OCIAD1: variants seen among roughly 807,000 people sequenced by gnomAD.
The protein encoded by OCIAD1 is OCIA domain containing 1.
OCIAD1 carries 29 observed loss-of-function variants against 38.9 expected under a neutral mutation model. The ratio of observed to expected loss-of-function variants is 0.74; its 90% CI spans 0.55 to 1.02. The LOEUF (loss-of-function observed/expected upper bound fraction) is 1.02. Among genes scored for constraint, OCIAD1 ranks in the 50% least tolerant of loss-of-function variants. The pLI is 0.00. For synonymous variants in OCIAD1, 110 were observed against 92.0 expected (o/e 1.20, Z -1.12); for missense variants, 288 against 289.6 (o/e 0.99, Z 0.04).
At chr4:48,835,054 G>A (rs1777861186) in intron 3 of OCIAD1, among the ~76,000 whole-genome samples, 1 of 152,054 alleles carries the variant, frequency 6.6e-6, no homozygotes, top group Non-Finnish European at 1.5e-5. Flanking sequence ...CTGCCACAGT[G>A]TCCTGAGTAT....
At chr4:48,817,622 T>G (rs1777155926) in intron 1 of OCIAD1, among the ~76,000 whole-genome samples, 1 of 152,206 alleles carries the variant, frequency 6.6e-6, no homozygotes, top group African/African-American at 2.4e-5. Flanking sequence ...GGAAGCCAAG[T>G]GGTCTAGCTC....
chr4:48,819,077 C>A (rs1007484604), intron 1 of OCIAD1, among the ~76,000 whole-genome samples: 2 of 152,006 alleles, frequency 1.3e-5, no homozygotes, highest in African/African-American at 4.8e-5. Flanking sequence ...CAGAGAACAC[C>A]ACTAAGACAC....
chr4:48,850,037 G>T lies in OCIAD1; in HGVS notation c.332G>T (p.Gly111Val). 6.2e-7 allele frequency: 1 copy of T among 1,613,464 alleles called. No homozygotes were observed. The highest frequency in any genetic ancestry group is 2.2e-5 in the East Asian group (1 of 44,852). ...KFKKLENSPL[G>V]EALRSGQARR... ...AAGAAACTTGAAAATTCCCCCCTTG[G>T]AGAAGCTTTACGATCAGGACAAGCA... The change falls in exon 6 of 9, where the codon GGA becomes GTA. Residue 111 changes from glycine to valine, a missense_variant. Physicochemically the swap from Gly to Val is moderately radical, Grantham distance 109 (BLOSUM62 -3). Coordinates refer to ENST00000264312, the MANE Select transcript of OCIAD1 (RefSeq NM_017830.4).
intron 1 of OCIAD1, among the ~76,000 whole-genome samples, chr4:48,810,301 C>A (rs1174697092): frequency 6.6e-6 from 1 of 151,762 alleles, no homozygotes; most frequent in Non-Finnish European, 1.5e-5. Flanking sequence ...AAACCCGTCT[C>A]TACTAAAAAC....
Position 48,848,438 on chromosome 4 carries a change from A to T in OCIAD1, c.233A>T (p.Lys78Ile). 1 of 1,468,916 alleles carries T rather than the reference A, an allele frequency of 6.8e-7. No homozygotes were observed. Among genetic ancestry groups the T allele is most frequent in the Non-Finnish European group, 9.5e-7 (1 of 1,056,882 alleles). 91.0% of individuals were successfully genotyped at this position (1,468,916 alleles called of 1,614,324 possible). A position where few individuals can be genotyped will look rare whatever the true frequency, so the allele number is the denominator to read the frequency against. The change falls in exon 5 of 9, where the codon AAA becomes ATA. Residue 78 changes from lysine (K) to isoleucine (I), a missense_variant. Lys to Ile is a moderately radical substitution (Grantham distance 102). Coordinates refer to ENST00000264312, the MANE Select transcript of OCIAD1 (RefSeq NM_017830.4). ...CATCCCAAATATGGTTCCATCCCTA[A>T]ACTTATACGTAAGTATGAACAACAT... The part of the protein sequence containing the change: ...SSHPKYGSIP[K>I]LILACIMGYF...
upstream of OCIAD1, among the ~76,000 whole-genome samples, chr4:48,830,057 G>A (rs1246209977): frequency 6.6e-6 from 1 of 152,164 alleles, no homozygotes; most frequent in Non-Finnish European, 1.5e-5. Context: ...AGTTGTACTG[G>A]GGAAACAGTG....
chr4:48,860,659 A>C, intron 8 of OCIAD1, 66 bp from the exon 9 acceptor site: 2 of 1,188,222 alleles, frequency 1.7e-6, no homozygotes, highest in South Asian at 2.5e-5. Flanking sequence ...CATAGCAACA[A>C]ACTTAAAATA....
rs1304167439 is a variant in OCIAD1 at position 48,857,368 on chromosome 4, A to G, written c.700+3A>G. 6.5e-7 allele frequency: 1 copy of G among 1,534,820 alleles called. No homozygotes were observed. Among genetic ancestry groups the G allele is most frequent in the Non-Finnish European group, 8.7e-7 (1 of 1,144,672 alleles). On this transcript the variant is annotated splice_donor_region_variant and intron_variant, in intron 8 of 8. Coordinates refer to ENST00000264312, the MANE Select transcript of OCIAD1 (RefSeq NM_017830.4). Reference sequence around the variant, plus strand: ...TGAAAGAGTGCCAAAAAAAGAAGGTATGATAGTTTAGTCTGAATCACTTTA... The same window carrying G: ...TGAAAGAGTGCCAAAAAAAGAAGGTGTGATAGTTTAGTCTGAATCACTTTA...
In OCIAD1 at chr4:48,833,278, AGTT is replaced by A. The variant is rs1482135537; in HGVS notation, c.59-119_59-117del. 18 of 636,694 alleles carry A rather than the reference AGTT, an allele frequency of 2.8e-5. No homozygotes were observed. In the African/African-American group the frequency reaches 3.0e-4, roughly 10 times the overall value. The allele number at this position is 636,694 out of a possible 1,614,324, so 39.4% of individuals were successfully genotyped here. A position where few individuals can be genotyped will look rare whatever the true frequency, so the allele number is the denominator to read the frequency against. Reference sequence around the variant, plus strand: ...AAAAAACAAAAAAAGTGCATAAGCCAGTTGTTTTATTATTTGAGTTTAAAAAAT... The same window carrying A: ...AAAAAACAAAAAAAGTGCATAAGCCAGTTTTATTATTTGAGTTTAAAAAAT... On this transcript the variant is annotated intron_variant, in intron 2 of 8. Transcript: ENST00000264312.
intron 1 of OCIAD1, among the ~76,000 whole-genome samples, chr4:48,824,075 C>T (rs1297724222): frequency 6.6e-6 from 1 of 151,984 alleles, no homozygotes; most frequent in Non-Finnish European, 1.5e-5. Flanking sequence ...GCCTCCCAGG[C>T]TCAAGTGATC....
chr4:48,852,974 C>G (rs1414243266), intron 7 of OCIAD1, among the ~76,000 whole-genome samples: 5 of 150,150 alleles, frequency 3.3e-5, no homozygotes, highest in Admixed American at 6.7e-5. Context: ...CTCCGCCCCC[C>G]CAGCTTCACG....
At chr4:48,838,441 A>G (rs968135108) in intron 3 of OCIAD1, among the ~76,000 whole-genome samples, 1 of 152,242 alleles carries the variant, frequency 6.6e-6, no homozygotes, top group Non-Finnish European at 1.5e-5. Context: ...ATTAATAGGT[A>G]GCATTTCACT....
At chr4:48,855,481 TTATATAAGTATAG>T (rs1779944766) in intron 7 of OCIAD1, among the ~76,000 whole-genome samples, 1 of 152,240 alleles carries the variant, frequency 6.6e-6, no homozygotes, top group Non-Finnish European at 1.5e-5. Flanking sequence ...CCTCTTTGCT[TTATATAAGTATAG>T]TATATATTTA....
chr4:48,813,418 C>T (rs1433475704), intron 1 of OCIAD1, among the ~76,000 whole-genome samples: 3 of 152,144 alleles, frequency 2.0e-5, no homozygotes, highest in South Asian at 2.1e-4. Context: ...CCTTGGGAGG[C>T]GGAGGTGAGT....
upstream of OCIAD1, among the ~76,000 whole-genome samples, chr4:48,829,511 CACAA>C (rs1777320664): frequency 6.6e-6 from 1 of 152,086 alleles, no homozygotes; most frequent in African/African-American, 2.4e-5. Context: ...AGAGACAATA[CACAA>C]ACAAATCATT....
intron 6 of OCIAD1, among the ~76,000 whole-genome samples, chr4:48,851,414 G>C (rs573278320): frequency 1.3e-5 from 2 of 152,154 alleles, no homozygotes; most frequent in African/African-American, 4.8e-5. Context: ...GAGGCCAGAC[G>C]CGGTGGCTCA....
chr4:48,816,746 G>A (rs1777147522), intron 1 of OCIAD1, among the ~76,000 whole-genome samples: 1 of 152,034 alleles, frequency 6.6e-6, no homozygotes, highest in Admixed American at 6.6e-5. Flanking sequence ...CAAGGCAGGA[G>A]GAACACCCGA....
chr4:48,821,927 C>A (rs545453922), intron 1 of OCIAD1, among the ~76,000 whole-genome samples: 3 of 152,208 alleles, frequency 2.0e-5, no homozygotes, highest in Non-Finnish European at 4.4e-5. Context: ...ATTCCATGCT[C>A]ATGGATAGGA....
intron 1 of OCIAD1, among the ~76,000 whole-genome samples, chr4:48,825,230 G>A (rs1371746758): frequency 6.6e-6 from 1 of 152,170 alleles, no homozygotes; most frequent in Admixed American, 6.5e-5. Context: ...GCACCTGCCT[G>A]GGGCCCCAGT....
Sources: allele counts gnomAD v4.1 joint callset (sites outside exome capture counted in the v4.1 genomes callset), GRCh38; gene constraint gnomAD v4.1.1; transcripts MANE v1.5; gene names NCBI Gene and HGNC (gene_info 2026-07-23, HGNC 2026-07-21).